ENDOV: variants seen among roughly 807,000 people sequenced by gnomAD.
ENDOV encodes endonuclease V.
Under a neutral mutation model 39.4 loss-of-function variants are expected in ENDOV, and 37 were observed. That is an observed-to-expected ratio of 0.94 (90% CI 0.72 to 1.23). The LOEUF is 1.23. Ranked by LOEUF, ENDOV falls within the 50% of genes most tolerant of loss-of-function variation. The pLI, the probability that ENDOV is intolerant of heterozygous loss-of-function variation, is 0.00. For synonymous variants in ENDOV, 186 were observed against 163.4 expected (o/e 1.14, Z -1.05); for missense variants, 441 against 375.7 (o/e 1.17, Z -1.44).
intron 6 of ENDOV, 154 bp from the exon 7 acceptor site, chr17:80,425,338 T>C: frequency 8.4e-7 from 1 of 1,190,624 alleles, no homozygotes; most frequent in South Asian, 1.5e-5. Flanking sequence ...GAAGGCGCCC[T>C]GAGGGTGGGC....
At chr17:80,423,480 G>T in intron 4 of ENDOV, 40 bp from the exon 5 acceptor site, 8 of 796,358 alleles carry the variant, frequency 1.0e-5, no homozygotes, top group Non-Finnish European at 1.6e-5. Flanking sequence ...CCAGGCCCCA[G>T]CCCCACCTCC....
chr17:80,417,390 G>A (rs1033979414), intron 2 of ENDOV: 7 of 152,370 alleles, frequency 4.6e-5, no homozygotes, highest in Admixed American at 4.6e-4. Context: ...CCCACAAGAC[G>A]AGGACTTGTC....
At chr17:80,423,836 C>A (rs1043470218) in intron 5 of ENDOV, 2 of 570,250 alleles carry the variant, frequency 3.5e-6, no homozygotes, top group Non-Finnish European at 6.2e-6. Context: ...GAGCTCCTCT[C>A]CTGCCTCCTG....
intron 9 of ENDOV, among the ~76,000 whole-genome samples, chr17:80,434,013 C>T (rs4491585): frequency 0.093 from 14,228 of 152,204 alleles, 799 homozygotes; most frequent in South Asian, 0.2. Flanking sequence ...AGTTCCAGAA[C>T]GGTTTTTTAC....
In ENDOV at chr17:80,415,798, G is replaced by C; in HGVS notation, c.205G>C (p.Val69Leu). ...TGTCCGCGCTTGTGCTTCCCTGGTG[G>C]TGCTCAGCTTCCCTGAGCTCGAGGT... Reference protein sequence around the residue: ...DSVRACASLVVLSFPELEVVY... With the variant: ...DSVRACASLVLLSFPELEVVY... The change falls in exon 2 of 10, where the codon GTG (valine) becomes CTG (leucine). Residue 69 changes from valine to leucine, a missense_variant. Val to Leu is a conservative substitution (Grantham distance 32). Coordinates refer to ENST00000518137, the MANE Select transcript of ENDOV (RefSeq NM_173627.5). 1 of 1,600,206 alleles carries C rather than the reference G, an allele frequency of 6.2e-7. No homozygotes were observed.
Position 80,425,562 on chromosome 17 carries a change from C to T in ENDOV, c.656C>T (p.Ala219Val), listed in dbSNP as rs774828826. 1.9e-6 allele frequency: 3 copies of T among 1,592,016 alleles called. No individual in the cohort carries two copies. In the South Asian group the frequency reaches 3.4e-5, roughly 18 times the overall value. ...GTGGGCCACAGGATGAGCCTGGAGG[C>T]CGCTGTGCGCCTGACTTGCTGCTGC... ...ISVGHRMSLE[A>V]AVRLTCCCCR... The change falls in exon 7 of 10, where the codon GCC becomes GTC. Residue 219 changes from alanine (A) to valine (V), a missense_variant. Coordinates refer to ENST00000518137, the MANE Select transcript of ENDOV (RefSeq NM_173627.5).
At chr17:80,426,062 G>A (rs1395987075) in intron 7 of ENDOV, among the ~76,000 whole-genome samples, 2 of 152,182 alleles carry the variant, frequency 1.3e-5, no homozygotes, top group African/African-American at 4.8e-5. Flanking sequence ...GGGGACTTGG[G>A]TATGCCCGCC....
At chr17:80,435,095 A>G (rs1200929784) in intron 9 of ENDOV, among the ~76,000 whole-genome samples, 1 of 143,542 alleles carries the variant, frequency 7.0e-6, no homozygotes, top group Non-Finnish European at 1.5e-5. Context: ...TTGGGTTGTC[A>G]TCTTGTTGAG....
intron 2 of ENDOV, chr17:80,419,469 T>TCACC: frequency 1.5e-6 from 1 of 653,302 alleles, no homozygotes; most frequent in Non-Finnish European, 2.8e-6. Context: ...CGATGGCTGG[T>TCACC]GTGTGCTGCT....
At position 80,419,748 on chromosome 17, in the gene ENDOV, G is replaced by C. The variant is rs139759808; in HGVS notation, c.229-2080G>C. On this transcript the variant is annotated intron_variant, in intron 2 of 9. Coordinates refer to ENST00000518137, the MANE Select transcript of ENDOV (RefSeq NM_173627.5). ...CAGTGGCCCTCTGGTCATGCCCTCC[G>C]TTCACACAATCCATCTTTCCGTCTG... 1.0e-4 allele frequency: 72 copies of C among 689,498 alleles called. No homozygotes were observed. In the Middle Eastern group the frequency reaches 1.2e-3, roughly 11 times the overall value. 42.7% of individuals were successfully genotyped at this position (689,498 alleles called of 1,614,324 possible).
Position 80,416,066 on chromosome 17 carries a change from G to A in ENDOV, c.228+245G>A, listed in dbSNP as rs980766384. Reference sequence around the variant, plus strand: ...CAGCCTGACCAACATGGAGAAACCCGGTCTCTACTAAAAATACAAAATTAG... The same window carrying A: ...CAGCCTGACCAACATGGAGAAACCCAGTCTCTACTAAAAATACAAAATTAG... On this transcript the variant is annotated intron_variant, in intron 2 of 9. Transcript: ENST00000518137. 8 of 398,342 alleles carry A rather than the reference G, an allele frequency of 2.0e-5. No homozygotes were observed. The Admixed American group carries it at 3.6e-4, about 18-fold the overall frequency. 24.7% of individuals were successfully genotyped at this position (398,342 alleles called of 1,614,324 possible).
At chr17:80,426,489 A>G (rs149082801) in intron 7 of ENDOV, among the ~76,000 whole-genome samples, 98 of 152,048 alleles carry the variant, frequency 6.4e-4, no homozygotes, top group African/African-American at 2.3e-3. Flanking sequence ...TACAAAAAAA[A>G]CGTAAAAACA....
chr17:80,415,884 G>T, intron 2 of ENDOV, 63 bp downstream of exon 2: 2 of 1,532,668 alleles, frequency 1.3e-6, no homozygotes. Context: ...TGCGGTCTCC[G>T]GGACAGGGAG....
intron 8 of ENDOV, among the ~76,000 whole-genome samples, chr17:80,429,275 A>G (rs868698979): frequency 1.3e-5 from 2 of 152,190 alleles, no homozygotes; most frequent in African/African-American, 4.8e-5. Context: ...AGGCTGGGAC[A>G]CTGAGTGTTG....
chr17:80,421,784 G>A, intron 2 of ENDOV, 44 bp from the exon 3 acceptor site: 1 of 1,562,728 alleles, frequency 6.4e-7, no homozygotes, highest in Non-Finnish European at 8.7e-7. Flanking sequence ...TGGAGCAGGT[G>A]GCCGAAGGCT....
At chr17:80,421,571 G>C (rs2082037854) in intron 2 of ENDOV, among the ~76,000 whole-genome samples, 1 of 140,926 alleles carries the variant, frequency 7.1e-6, no homozygotes, top group African/African-American at 2.7e-5. Context: ...CGGGGGAGCT[G>C]CTGCTACGGA....
chr17:80,420,840 G>A (rs1286442472), intron 2 of ENDOV, among the ~76,000 whole-genome samples: 1 of 152,222 alleles, frequency 6.6e-6, no homozygotes, highest in Non-Finnish European at 1.5e-5. Flanking sequence ...ACCACGCCCA[G>A]ATAATTTTGT....
intron 4 of ENDOV, 124 bp from the exon 5 acceptor site, chr17:80,423,396 C>T (rs2082304478): frequency 2.2e-6 from 2 of 908,406 alleles, no homozygotes; most frequent in Non-Finnish European, 3.3e-6. Flanking sequence ...GTTTCCCCAG[C>T]CCTCTGCCTG....
intron 8 of ENDOV, 123 bp from the exon 9 acceptor site, chr17:80,429,650 C>G (rs1200896635): frequency 2.3e-5 from 21 of 925,930 alleles, no homozygotes; most frequent in Non-Finnish European, 3.3e-5. Flanking sequence ...GCCCTCTGCC[C>G]TGGGCTGTAG....
Sources: gnomAD v4.1 joint callset for allele counts (sites outside exome capture counted in the v4.1 genomes callset) on GRCh38, gnomAD v4.1.1 for gene constraint, MANE v1.5 for transcripts, NCBI Gene and HGNC (gene_info 2026-07-23, HGNC 2026-07-21) for gene names.